Variants in CLMN observed in about 807,000 individuals in gnomAD.
The protein encoded by CLMN is calmin (calponin-like, transmembrane).
A neutral mutation model predicts 92.7 loss-of-function variants in CLMN; 57 were observed. That is an observed-to-expected ratio of 0.61 (90% CI 0.50 to 0.77). The LOEUF (loss-of-function observed/expected upper bound fraction) is 0.77, where lower values mean the gene tolerates loss of function less well. CLMN is among the 30% of genes least tolerant of loss of function. The pLI, the probability that CLMN is intolerant of heterozygous loss-of-function variation, is 0.00. For missense variants in CLMN, 1,158 were observed against 1,237.5 expected, an observed-to-expected ratio of 0.94 and a Z score of 0.96; for synonymous variants, 466 against 470.6, an observed-to-expected ratio of 0.99 and a Z score of 0.13.
intron 1 of CLMN, among the ~76,000 whole-genome samples, chr14:95,279,010 A>G (rs1333292196): frequency 6.6e-6 from 1 of 152,212 alleles, no homozygotes; most frequent in Non-Finnish European, 1.5e-5. Context: ...AAACTTAAAA[A>G]CTGGCAAATG....
intron 1 of CLMN, among the ~76,000 whole-genome samples, chr14:95,249,831 G>C (rs1308867741): frequency 6.6e-6 from 1 of 152,092 alleles, no homozygotes; most frequent in African/African-American, 2.4e-5. Flanking sequence ...CTGACTTCAT[G>C]ATCTGCCCAC....
Position 95,188,923 on chromosome 14 carries a change from C to G in CLMN, c.*2641G>C, listed in dbSNP as rs1896499090. The G allele has an allele frequency of 6.7e-6, 1 of 149,932 alleles. No homozygotes were observed. The highest frequency in any genetic ancestry group is 2.5e-5 in the African/African-American group (1 of 40,638). The allele number at this position is 149,932 out of a possible 1,614,324, so 9.3% of individuals were successfully genotyped here. A position where few individuals can be genotyped will look rare whatever the true frequency, so the allele number is the denominator to read the frequency against. ...TCATGCAAAAATCTCAAAATATTTA[C>G]AACCATATTTACTTCCCATGTTCTC... is the stretch of plus-strand genomic sequence containing the variant. On this transcript the variant is annotated 3_prime_UTR_variant, in exon 13 of 13. Transcript: ENST00000298912.
At chr14:95,305,079 C>G (rs1345914696) in intron 1 of CLMN, among the ~76,000 whole-genome samples, 3 of 152,156 alleles carry the variant, frequency 2.0e-5, no homozygotes, top group African/African-American at 7.2e-5. Flanking sequence ...TCAGATCAAG[C>G]GAAGCCAAGA....
Position 95,182,009 on chromosome 14 carries a change from A to G in CLMN, c.*9555T>C, listed in dbSNP as rs989236993. On this transcript the variant is annotated 3_prime_UTR_variant, in exon 13 of 13. Coordinates refer to ENST00000298912, the MANE Select transcript of CLMN (RefSeq NM_024734.4). The stretch of plus-strand genomic sequence containing the variant: ...ATGATTTTACAAGATCATTCATCAT[A>G]GCACCAAGCCTAATATTCCTTAATA... 2 of 152,234 alleles carry G rather than the reference A, an allele frequency of 1.3e-5. No individual in the cohort carries two copies. The highest frequency in any genetic ancestry group is 4.8e-5 in the African/African-American group (2 of 41,454). 9.4% of individuals were successfully genotyped at this position (152,234 alleles called of 1,614,324 possible). A position where few individuals can be genotyped will look rare whatever the true frequency, so the allele number is the denominator to read the frequency against.
rs146039737 is a variant in CLMN at position 95,183,102 on chromosome 14, A to G, written c.*8462T>C. ...ATTTTTAAACTTAGAAAGGACTTTT[A>G]AAAGAAGTCTTCCCACTTCCAACCC... On this transcript the variant is annotated 3_prime_UTR_variant, in exon 13 of 13. Coordinates refer to ENST00000298912, the MANE Select transcript of CLMN (RefSeq NM_024734.4). 24 of 152,358 alleles carry G rather than the reference A, an allele frequency of 1.6e-4. No individual in the cohort carries two copies. The highest frequency in any genetic ancestry group is 5.3e-4 in the African/African-American group (22 of 41,580). The allele number at this position is 152,358 out of a possible 1,614,324, so 9.4% of individuals were successfully genotyped here. A position where few individuals can be genotyped will look rare whatever the true frequency, so the allele number is the denominator to read the frequency against.
intron 6 of CLMN, among the ~76,000 whole-genome samples, chr14:95,212,650 T>A (rs991516455): frequency 6.6e-6 from 1 of 152,206 alleles, no homozygotes; most frequent in Non-Finnish European, 1.5e-5. Context: ...CATGCCCATG[T>A]TGAGAGGCAA....
intron 1 of CLMN, among the ~76,000 whole-genome samples, chr14:95,275,547 C>A (rs1899892729): frequency 6.6e-6 from 1 of 152,192 alleles, no homozygotes; most frequent in Admixed American, 6.5e-5. Flanking sequence ...CCCACCCTTT[C>A]CTGAAAACTC....
chr14:95,289,342 A>T (rs1206700719), intron 1 of CLMN, among the ~76,000 whole-genome samples: 1 of 151,820 alleles, frequency 6.6e-6, no homozygotes, highest in Non-Finnish European at 1.5e-5. Context: ...AAATACAAAA[A>T]ATTAGCCAGG....
chr14:95,213,097 T>C (rs1897243521), intron 6 of CLMN, 122 bp downstream of exon 6: 2 of 1,097,636 alleles, frequency 1.8e-6, no homozygotes, highest in South Asian at 3.0e-5. Flanking sequence ...CCTGTTCTGA[T>C]ATTCTATATG....
At chr14:95,306,833 G>A (rs567338528) in intron 1 of CLMN, among the ~76,000 whole-genome samples, 1 of 152,084 alleles carries the variant, frequency 6.6e-6, no homozygotes, top group African/African-American at 2.4e-5. Flanking sequence ...TTGAGAGGAG[G>A]CAGATTTGAG....
intron 1 of CLMN, among the ~76,000 whole-genome samples, chr14:95,292,492 C>T (rs942729291): frequency 7.1e-6 from 1 of 141,652 alleles, no homozygotes; most frequent in African/African-American, 2.6e-5. Context: ...CTCCATGGCC[C>T]TCCAGGAGGT....
At chr14:95,274,388 C>A (rs1899841045) in intron 1 of CLMN, among the ~76,000 whole-genome samples, 1 of 152,100 alleles carries the variant, frequency 6.6e-6, no homozygotes. Context: ...TTCTTATTAC[C>A]ACCCCTGCCC....
intron 1 of CLMN, among the ~76,000 whole-genome samples, chr14:95,292,038 A>C (rs941246731): frequency 6.6e-6 from 1 of 152,236 alleles, no homozygotes; most frequent in South Asian, 2.1e-4. Flanking sequence ...CCACGTCCTC[A>C]TCTGGCCTCA....
At chr14:95,276,539 T>C (rs989830645) in intron 1 of CLMN, among the ~76,000 whole-genome samples, 1 of 151,984 alleles carries the variant, frequency 6.6e-6, no homozygotes, top group Non-Finnish European at 1.5e-5. Context: ...ATATGATGGG[T>C]GGGTCTTTCT....
At chr14:95,233,999 T>C (rs1897969972) in intron 1 of CLMN, among the ~76,000 whole-genome samples, 1 of 152,150 alleles carries the variant, frequency 6.6e-6, no homozygotes, top group South Asian at 2.1e-4. Context: ...GTGGACACCA[T>C]GTTATCTGGA....
chr14:95,215,406 C>G (rs1471348588), intron 5 of CLMN, among the ~76,000 whole-genome samples: 1 of 152,194 alleles, frequency 6.6e-6, no homozygotes, highest in East Asian at 1.9e-4. Flanking sequence ...TTTAACTCTT[C>G]CAGACCCAAG....
chr14:95,265,940 A>T (rs929107417), intron 1 of CLMN, among the ~76,000 whole-genome samples: 1 of 152,224 alleles, frequency 6.6e-6, no homozygotes, highest in Non-Finnish European at 1.5e-5. Context: ...TGATGAAACC[A>T]GACATCTCAC....
intron 1 of CLMN, among the ~76,000 whole-genome samples, chr14:95,270,582 T>A (rs1899668855): frequency 6.6e-6 from 1 of 152,120 alleles, no homozygotes; most frequent in African/African-American, 2.4e-5. Flanking sequence ...TTTTCAAGGT[T>A]CATCCATATT....
chr14:95,245,251 TA>T (rs1566891332), intron 1 of CLMN, among the ~76,000 whole-genome samples: 11 of 36,886 alleles, frequency 3.0e-4, no homozygotes, highest in Non-Finnish European at 3.8e-4. Context: ...TATATATATA[TA>T]TAATATATAT....
Sources: gnomAD v4.1 joint callset for allele counts (sites outside exome capture counted in the v4.1 genomes callset) on GRCh38, gnomAD v4.1.1 for gene constraint, MANE v1.5 for transcripts, NCBI Gene and HGNC (gene_info 2026-07-23, HGNC 2026-07-21) for gene names.